The following MAX variants were observed in gnomAD, a reference collection of about 807,000 sequenced individuals.
The protein encoded by MAX is protein max.
MAX carries 3 observed loss-of-function variants against 22.3 expected under a neutral mutation model. That is an observed-to-expected ratio of 0.13 (90% CI 0.06 to 0.35). The LOEUF (loss-of-function observed/expected upper bound fraction) is 0.35, where lower values mean the gene tolerates loss of function less well. Ranked by LOEUF, MAX falls within the 10% of genes least tolerant of loss-of-function variation. The probability of loss-of-function intolerance (pLI) is 1.00; values close to 1 mark genes in which losing one functional copy is unlikely to be tolerated. For missense variants in MAX, 119 were observed against 209.4 expected, an observed-to-expected ratio of 0.57 and a Z score of 2.66; for synonymous variants, 72 against 77.7, an observed-to-expected ratio of 0.93 and a Z score of 0.39.
chr14:65,042,225 C>T (rs895429053), intron 3 of MAX, among the ~76,000 whole-genome samples: 1 of 152,018 alleles, frequency 6.6e-6, no homozygotes, highest in Non-Finnish European at 1.5e-5. Context: ...CAGGATGATT[C>T]AAGTACATTA....
intron 3 of MAX, among the ~76,000 whole-genome samples, chr14:65,021,072 T>A (rs1334932629): frequency 6.6e-6 from 1 of 152,200 alleles, no homozygotes; most frequent in African/African-American, 2.4e-5. Context: ...CATTTATATG[T>A]GTTTATCTAA....
In MAX at chr14:65,098,678, A is replaced by G. The variant is rs796850479; in HGVS notation, c.63+2868T>C. 1.4e-4 allele frequency among the ~76,000 whole-genome samples: 22 copies of G among 152,366 alleles called. 1 individual carries two copies. The highest frequency in any genetic ancestry group is 4.8e-4 in the African/African-American group (20 of 41,588). ...CTTCCCTCCAAAATATAATAAAAAT[A>G]ACATCAGTGGGATTTTGCGATGTAC... On this transcript the variant is annotated intron_variant, in intron 2 of 4. Coordinates refer to ENST00000358664, the MANE Select transcript of MAX (RefSeq NM_002382.5).
At position 65,028,205 on chromosome 14, in the gene MAX, C is replaced by T. The variant is rs1035233451; in HGVS notation, c.172-21921G>A. ...GAGAATGTCTAATCCCTGAGGTCCTCCTGAGGCACATGAGAGTTTTTCTGG... is the reference window on the plus strand; with the variant it reads ...GAGAATGTCTAATCCCTGAGGTCCTTCTGAGGCACATGAGAGTTTTTCTGG... On this transcript the variant is annotated intron_variant, in intron 3 of 3. Transcript: ENST00000341653. This position sits in a 1 kb window ranked among gnomAD's most constrained non-coding sequence, Gnocchi z 4.4. Among the ~76,000 whole-genome samples the T allele has an allele frequency of 6.6e-6, 1 of 152,164 alleles. No individual in the cohort carries two copies. Among genetic ancestry groups the T allele is most frequent in the African/African-American group, 2.4e-5 (1 of 41,430 alleles).
chr14:65,097,417 T>C (rs374054936), intron 2 of MAX, among the ~76,000 whole-genome samples: 4 of 152,186 alleles, frequency 2.6e-5, no homozygotes, highest in Non-Finnish European at 5.9e-5. Context: ...TCTAGGCAAA[T>C]AGCACGGGGA....
chr14:65,018,547 C>T (rs749339732), intron 3 of MAX, among the ~76,000 whole-genome samples: 2 of 152,186 alleles, frequency 1.3e-5, no homozygotes, highest in South Asian at 2.1e-4. Flanking sequence ...CGGTGTCTCA[C>T]ACCTGTAATC....
downstream of MAX, chr14:65,074,985 T>C: frequency 8.4e-6 from 7 of 833,470 alleles, no homozygotes; most frequent in Non-Finnish European, 1.0e-5. Context: ...AACTCTGGCT[T>C]ATGGCTGCTC....
Position 65,054,468 on chromosome 14 carries a change from T to TG in MAX, c.171+39239dup, listed in dbSNP as rs137873231. The TG allele has an allele frequency of 8.6e-4, 958 of 1,110,188 alleles. 7 individuals are homozygous for TG. The highest frequency in any genetic ancestry group is 2.5e-3 in the South Asian group (170 of 68,092). 68.8% of individuals were successfully genotyped at this position (1,110,188 alleles called of 1,614,324 possible). A position where few individuals can be genotyped will look rare whatever the true frequency, so the allele number is the denominator to read the frequency against. ...ATGCCTCCTCTAGCCACATGGAGGA[T>TG]GGGGGGGGACGTGTGATTGCACCAG... On this transcript the variant is annotated intron_variant, in intron 3 of 3. Coordinates refer to the MAX transcript ENST00000341653. The surrounding 1 kb of genome is among the most constrained non-coding windows in gnomAD (Gnocchi z 4.4).
chr14:65,087,291 C>T (rs2063363501), intron 3 of MAX, among the ~76,000 whole-genome samples: 1 of 152,184 alleles, frequency 6.6e-6, no homozygotes, highest in East Asian at 1.9e-4. Flanking sequence ...TCTAGTGGAG[C>T]TGTGAGAAGA....
chr14:65,022,710 T>C (rs1319588101), intron 3 of MAX, among the ~76,000 whole-genome samples: 1 of 152,068 alleles, frequency 6.6e-6, no homozygotes, highest in South Asian at 2.1e-4. Flanking sequence ...ACAACTCTCA[T>C]GTGAATTCCC....
At position 65,012,203 on chromosome 14, in the gene MAX, G is replaced by A; in HGVS notation, c.172-5919C>T. ...GTTGCTGGTTATCCAGTCAGTGATT[G>A]CAGGGGGACGTCCTGAAGCTGAGTG... On this transcript the variant is annotated intron_variant, in intron 3 of 3. Transcript: ENST00000341653. The surrounding 1 kb of genome is among the most constrained non-coding windows in gnomAD (Gnocchi z 5.0). 7.7e-7 allele frequency: 1 copy of A among 1,304,744 alleles called. No homozygotes were observed. The highest frequency in any genetic ancestry group is 1.9e-5 in the Admixed American group (1 of 52,352). The allele number at this position is 1,304,744 out of a possible 1,614,324, so 80.8% of individuals were successfully genotyped here. A position where few individuals can be genotyped will look rare whatever the true frequency, so the allele number is the denominator to read the frequency against.
intron 3 of MAX, chr14:65,061,533 A>G (rs990492004): frequency 6.1e-6 from 4 of 655,008 alleles, no homozygotes; most frequent in African/African-American, 1.8e-5. Context: ...CCAAAAATCT[A>G]TCAGCCCACG....
chr14:65,060,891 A>AC (rs1566585011), intron 3 of MAX, among the ~76,000 whole-genome samples: 1 of 141,616 alleles, frequency 7.1e-6, no homozygotes, highest in Admixed American at 7.0e-5. Flanking sequence ...AAAAAAAAAA[A>AC]AAAACAGTTT....
In MAX at chr14:65,012,985, C is replaced by T. The variant is rs574345725; in HGVS notation, c.172-6701G>A. ...AGATCTTTAATATTTCCCAGAGCAA[C>T]GTCAGGACTGGGTGACGGTGGAGGG... On this transcript the variant is annotated intron_variant, in intron 3 of 3. Coordinates refer to the MAX transcript ENST00000341653. The surrounding 1 kb of genome is among the most constrained non-coding windows in gnomAD (Gnocchi z 5.0). Among the ~76,000 whole-genome samples the T allele has an allele frequency of 2.6e-5, 4 of 152,136 alleles. No homozygotes were observed. The highest frequency in any genetic ancestry group is 1.9e-4 in the East Asian group (1 of 5,180).
chr14:65,054,837 G>T lies in MAX; in HGVS notation c.171+38871C>A, dbSNP rs201397395. 6 of 880,782 alleles carry T rather than the reference G, an allele frequency of 6.8e-6. No homozygotes were observed. The highest frequency in any genetic ancestry group is 1.0e-5 in the Non-Finnish European group (6 of 581,858). The allele number at this position is 880,782 out of a possible 1,614,324, so 54.6% of individuals were successfully genotyped here. A position where few individuals can be genotyped will look rare whatever the true frequency, so the allele number is the denominator to read the frequency against. On this transcript the variant is annotated intron_variant, in intron 3 of 3. Coordinates refer to the MAX transcript ENST00000341653. The surrounding 1 kb of genome is among the most constrained non-coding windows in gnomAD (Gnocchi z 4.4). ...TGCCCTTCGAGCTGTGCAGCCGTTA[G>T]TGAGGATGTGACCACAGAGGAGACG...
rs753309192 is a variant in MAX, at chr14:65,102,343, C to T, written c.-4G>A. The T allele has an allele frequency of 1.9e-6, 3 of 1,613,750 alleles. No homozygotes were observed. Among genetic ancestry groups the T allele is most frequent in the East Asian group, 2.2e-5 (1 of 44,874 alleles). ...CGATGTCATCGTTATCGCTCATTTC[C>T]TACGGCCCAGGGAGCGGCCACTGCA... On this transcript the variant is annotated 5_prime_UTR_variant, in exon 1 of 5. Coordinates refer to ENST00000358664, the MANE Select transcript of MAX (RefSeq NM_002382.5).
chr14:65,089,879 C>G (rs957121297), intron 3 of MAX: 1 of 144,372 alleles, frequency 6.9e-6, no homozygotes, highest in Non-Finnish European at 1.5e-5. Flanking sequence ...TAATTCCATC[C>G]TATTGTTCCC....
chr14:65,076,071 C>G lies in MAX; in HGVS notation c.*405G>C. On this transcript the variant is annotated 3_prime_UTR_variant, in exon 5 of 5. Transcript: ENST00000358664. This position sits in a 1 kb window ranked among gnomAD's most constrained non-coding sequence, Gnocchi z 6.6. ...TCACAAAGTCTATCAGAGGTGAGGG[C>G]GGGCCAGGAGGCCACCTGGGCAGGG... 1 of 1,220,904 alleles carries G rather than the reference C, an allele frequency of 8.2e-7. No homozygotes were observed. Among genetic ancestry groups the G allele is most frequent in the Non-Finnish European group, 1.0e-6 (1 of 976,028 alleles). 75.6% of individuals were successfully genotyped at this position (1,220,904 alleles called of 1,614,324 possible). A position where few individuals can be genotyped will look rare whatever the true frequency, so the allele number is the denominator to read the frequency against.
chr14:65,066,873 A>AAC (rs1269123489), intron 3 of MAX, among the ~76,000 whole-genome samples: 1 of 150,896 alleles, frequency 6.6e-6, no homozygotes, highest in Non-Finnish European at 1.5e-5. Flanking sequence ...AAAAAAAAAA[A>AAC]AAAAAACAAT....
chr14:65,010,526 G>A (rs1443719347), intron 3 of MAX, among the ~76,000 whole-genome samples: 1 of 152,188 alleles, frequency 6.6e-6, no homozygotes, highest in Non-Finnish European at 1.5e-5. Context: ...CCCCAACTGG[G>A]TCAGCTCCTC....
Sources: allele counts gnomAD v4.1 joint callset (sites outside exome capture counted in the v4.1 genomes callset), GRCh38; gene constraint gnomAD v4.1.1; non-coding constraint Gnocchi (gnomAD v3.1); transcripts MANE v1.5; gene names NCBI Gene and HGNC (gene_info 2026-07-23, HGNC 2026-07-21).